Variants in DNAH7 observed in about 807,000 individuals in gnomAD.
DNAH7 encodes axonemal beta dynein heavy chain 7.
DNAH7 carries 397 observed loss-of-function variants against 444.6 expected under a neutral mutation model. The ratio of observed to expected loss-of-function variants is 0.89; its 90% CI spans 0.82 to 0.97. The LOEUF (loss-of-function observed/expected upper bound fraction) is 0.97, where lower values mean the gene tolerates loss of function less well. Among genes scored for constraint, DNAH7 ranks in the 50% least tolerant of loss-of-function variants. The pLI is 0.00. For synonymous variants in DNAH7, 1,636 were observed against 1,624.4 expected (o/e 1.01, Z -0.17); for missense variants, 4,902 against 4,800.8 (o/e 1.02, Z -0.62).
chr2:195,825,269 A>C (rs1697680333), intron 48 of DNAH7, among the ~76,000 whole-genome samples: 1 of 98,566 alleles, frequency 1.0e-5, no homozygotes. Flanking sequence ...AACATAAATA[A>C]GGAAAAAAAA....
intron 18 of DNAH7, 103 bp from the exon 19 acceptor site, chr2:195,957,550 T>TATATAATG: frequency 1.3e-6 from 1 of 747,080 alleles, no homozygotes. Context: ...GTATATAATG[T>TATATAATG]TATACAATTG....
At chr2:195,786,791 A>G (rs1695645984) in intron 58 of DNAH7, among the ~76,000 whole-genome samples, 2 of 152,344 alleles carry the variant, frequency 1.3e-5, no homozygotes, top group East Asian at 1.9e-4. Context: ...TAAATGATAT[A>G]TCATGGGTTT....
intron 59 of DNAH7, among the ~76,000 whole-genome samples, chr2:195,777,296 G>A (rs1282655249): frequency 2.0e-5 from 3 of 152,118 alleles, no homozygotes; most frequent in African/African-American, 4.8e-5. Context: ...TCTGTGACTC[G>A]CTGCCACCTT....
chr2:195,882,541 A>G (rs1343209214), intron 35 of DNAH7, among the ~76,000 whole-genome samples: 1 of 152,252 alleles, frequency 6.6e-6, no homozygotes, highest in Non-Finnish European at 1.5e-5. Context: ...CTACGTTCAC[A>G]TTGCTGTGTA....
chr2:195,974,560 GATAA>G (rs1239250952), intron 15 of DNAH7, among the ~76,000 whole-genome samples: 3 of 152,110 alleles, frequency 2.0e-5, no homozygotes, highest in Non-Finnish European at 4.4e-5. Context: ...TAGCTAGGAG[GATAA>G]ATAAATGATG....
chr2:195,884,733 A>C lies in DNAH7; in HGVS notation c.5615T>G (p.Ile1872Ser). The change falls in exon 35 of 65, where the codon ATT becomes AGT. Residue 1872 changes from isoleucine to serine, a missense_variant. By Grantham distance (142) the Ile-to-Ser change is moderately radical. Coordinates refer to ENST00000312428, the MANE Select transcript of DNAH7 (RefSeq NM_018897.3). ...TDDDRLKFNKILRELMESPIS... is the reference protein window; with the variant it reads ...TDDDRLKFNKSLRELMESPIS... ...TGGACTTTCCATTAGTTCTCGAAGA[A>C]TCTTATTAAATTTCAATCGATCATC... The C allele has an allele frequency of 6.2e-7, 1 of 1,614,180 alleles. No individual in the cohort carries two copies. Among genetic ancestry groups the C allele is most frequent in the Non-Finnish European group, 8.5e-7 (1 of 1,180,030 alleles).
rs1701020738 is a variant in DNAH7, at chr2:195,875,838, GAC to G, written c.6121_6122del (p.Val2041LeufsTer4). The G allele has an allele frequency of 6.3e-7, 1 of 1,599,174 alleles. No individual in the cohort carries two copies. Among genetic ancestry groups the G allele is most frequent in the Non-Finnish European group, 8.5e-7 (1 of 1,175,244 alleles). ...CAGGCATATTGACATCATCTACAAA[GAC>G]AACCTGAGAATGAGAAGAGAAGAGG... ...FGPPLGKRMV[V>X]FVDDVNMPAR... On this transcript the variant is annotated frameshift_variant, in exon 38 of 65. Transcript: ENST00000312428. LOFTEE classifies it high-confidence loss of function.
At chr2:195,893,929 C>T (rs1702158739) in intron 30 of DNAH7, 1 of 151,468 alleles carries the variant, frequency 6.6e-6, no homozygotes, top group African/African-American at 2.4e-5. Context: ...AAGATCAGTT[C>T]CTATGACAAT....
intron 25 of DNAH7, among the ~76,000 whole-genome samples, chr2:195,907,667 C>T (rs1013383003): frequency 2.6e-5 from 4 of 152,102 alleles, no homozygotes; most frequent in Admixed American, 6.6e-5. Context: ...ATGTGCCAAC[C>T]GTGACTCACA....
At chr2:195,839,555 A>AG (rs1352373138) in intron 47 of DNAH7, among the ~76,000 whole-genome samples, 1 of 151,750 alleles carries the variant, frequency 6.6e-6, no homozygotes, top group Admixed American at 6.6e-5. Flanking sequence ...AAAAGAATGG[A>AG]GAAAAACAAT....
At chr2:195,943,618 G>C (rs930542766) in intron 19 of DNAH7, among the ~76,000 whole-genome samples, 1 of 152,098 alleles carries the variant, frequency 6.6e-6, no homozygotes, top group Non-Finnish European at 1.5e-5. Flanking sequence ...CAGCAGTGTT[G>C]GTGAGGGGTA....
At chr2:195,871,108 G>A (rs1044340834) in intron 40 of DNAH7, among the ~76,000 whole-genome samples, 1 of 152,142 alleles carries the variant, frequency 6.6e-6, no homozygotes, top group African/African-American at 2.4e-5. Flanking sequence ...TGGAGACCTT[G>A]TTGTGGCCAA....
At position 195,923,150 on chromosome 2, in the gene DNAH7, C is replaced by T. The variant is rs554782654; in HGVS notation, c.3825+445G>A. 4.6e-5 allele frequency among the ~76,000 whole-genome samples: 7 copies of T among 152,260 alleles called. No individual in the cohort carries two copies. In the South Asian group the frequency reaches 1.5e-3, roughly 32 times the overall value. Reference sequence around the variant, plus strand: ...AAGTGCCAGGATTACAGGCGTGAGTCACCATGCCCAGCAATGAGAGGAAAC... The same window carrying T: ...AAGTGCCAGGATTACAGGCGTGAGTTACCATGCCCAGCAATGAGAGGAAAC... On this transcript the variant is annotated intron_variant, in intron 23 of 64. Transcript: ENST00000312428.
rs2125095902 is a variant in DNAH7, at chr2:195,864,835, G to A, written c.6820C>T (p.His2274Tyr). The A allele has an allele frequency of 6.2e-7, 1 of 1,614,150 alleles. No homozygotes were observed. Among genetic ancestry groups the A allele is most frequent in the Non-Finnish European group, 8.5e-7 (1 of 1,180,024 alleles). The change falls in exon 41 of 65, where the codon CAT (histidine) becomes TAT (tyrosine). Residue 2274 changes from histidine (H) to tyrosine (Y), a missense_variant. Transcript: ENST00000312428. ...DLRSLMFCDF[H>Y]DPKREDTNYR... ...TTGGTATCCTCCCTCTTGGGATCAT[G>A]GAAATCACAAAACATTAAGCTGCGT...
intron 29 of DNAH7, among the ~76,000 whole-genome samples, chr2:195,895,935 C>T (rs1702282692): frequency 6.6e-6 from 1 of 152,058 alleles, no homozygotes; most frequent in African/African-American, 2.4e-5. Context: ...TAACAAAGTG[C>T]TACAGTTTTT....
intron 15 of DNAH7, among the ~76,000 whole-genome samples, chr2:195,980,815 TA>T (rs59787108): frequency 0.095 from 13,654 of 143,906 alleles, 696 homozygotes; most frequent in African/African-American, 0.14. Flanking sequence ...TGCTTCATGA[TA>T]AAAAAAAAAA....
At chr2:195,849,681 A>G (rs1474837009) in intron 46 of DNAH7, among the ~76,000 whole-genome samples, 1 of 152,002 alleles carries the variant, frequency 6.6e-6, no homozygotes, top group African/African-American at 2.4e-5. Context: ...GCTCACTGCA[A>G]CCTCTGCCTC....
chr2:196,006,598 G>T (rs765035186), intron 10 of DNAH7, among the ~76,000 whole-genome samples: 8 of 150,230 alleles, frequency 5.3e-5, no homozygotes, highest in African/African-American at 7.3e-5. Context: ...AGGAAAGGAA[G>T]AAGTAAACTG....
intron 3 of DNAH7, 110 bp from the exon 4 acceptor site, chr2:196,048,514 C>A: frequency 1.2e-6 from 1 of 840,596 alleles, no homozygotes; most frequent in Non-Finnish European, 1.9e-6. Context: ...CAGATCAGAA[C>A]ATCTGGATAG....
Sources: allele counts gnomAD v4.1 joint callset (sites outside exome capture counted in the v4.1 genomes callset), GRCh38; gene constraint gnomAD v4.1.1; transcripts MANE v1.5; gene names NCBI Gene and HGNC (gene_info 2026-07-23, HGNC 2026-07-21).